SSTR1: variants seen among roughly 807,000 people sequenced by gnomAD.
SSTR1 encodes the protein somatostatin receptor 1.
In SSTR1, 10 loss-of-function variants were observed where a neutral mutation model predicts 20.7. That is an observed-to-expected ratio of 0.48 (90% CI 0.30 to 0.82). SSTR1 has a LOEUF of 0.82. Among genes scored for constraint, SSTR1 ranks in the 40% least tolerant of loss-of-function variants. The probability of loss-of-function intolerance (pLI) is 0.07; values close to 1 mark genes in which losing one functional copy is unlikely to be tolerated. For missense variants in SSTR1, 494 were observed against 540.0 expected (o/e 0.91, Z 0.84); for synonymous variants, 267 against 227.8 (o/e 1.17, Z -1.55).
Position 38,208,112 on chromosome 14 carries a change from G to C in SSTR1, c.-512+8G>C, listed in dbSNP as rs919271718. 1 of 152,250 alleles carries C rather than the reference G, an allele frequency of 6.6e-6. No homozygotes were observed. Among genetic ancestry groups the C allele is most frequent in the African/African-American group, 2.4e-5 (1 of 41,444 alleles). The allele number at this position is 152,250 out of a possible 1,614,324, so 9.4% of individuals were successfully genotyped here. A position where few individuals can be genotyped will look rare whatever the true frequency, so the allele number is the denominator to read the frequency against. ...ACCCGCCAACTCTCCAGGGTACAAAGTACAGCAGGGACGCGGGTGGAGCCC... is the reference window on the plus strand; with the variant it reads ...ACCCGCCAACTCTCCAGGGTACAAACTACAGCAGGGACGCGGGTGGAGCCC... On this transcript the variant is annotated splice_region_variant and intron_variant, in intron 1 of 2. Transcript: ENST00000267377.
chr14:38,209,242 G>A lies in SSTR1; in HGVS notation c.-148G>A. 1.9e-6 allele frequency: 2 copies of A among 1,030,220 alleles called. No individual in the cohort carries two copies. The highest frequency in any genetic ancestry group is 3.2e-5 in the East Asian group (1 of 31,220). The allele number at this position is 1,030,220 out of a possible 1,614,324, so 63.8% of individuals were successfully genotyped here. On this transcript the variant is annotated 5_prime_UTR_variant, in exon 3 of 3. Coordinates refer to ENST00000267377, the MANE Select transcript of SSTR1 (RefSeq NM_001049.3). ...CCCCGCCGGCGCCGGTAGGAGCCGC[G>A]CTCCCCGCAGCGGTTGCGCTCTACC...
rs764539510 is a variant in SSTR1, at chr14:38,210,539, T to A, written c.1150T>A (p.Cys384Ser). Reference protein sequence around the residue: ...ESGGVFRNGTCTSRITTL With the variant: ...ESGGVFRNGTSTSRITTL ...CGGCGGCGTCTTCCGTAATGGCACCTGCACGTCCCGGATCACGACGCTCTG... is the reference window on the plus strand; with the variant it reads ...CGGCGGCGTCTTCCGTAATGGCACCAGCACGTCCCGGATCACGACGCTCTG... The change falls in exon 3 of 3, where the codon TGC becomes AGC. Residue 384 changes from cysteine (C) to serine (S), a missense_variant. Cys to Ser is a moderately radical substitution (Grantham distance 112). This residue lies in a region of SSTR1 where 280 missense variants were observed against 286.1 expected (regional missense o/e 0.98). Transcript: ENST00000267377. 4 of 1,605,870 alleles carry A rather than the reference T, an allele frequency of 2.5e-6. No homozygotes were observed. The highest frequency in any genetic ancestry group is 3.4e-6 in the Non-Finnish European group (4 of 1,175,530).
In SSTR1 at chr14:38,210,695, C is replaced by A; in HGVS notation, c.*130C>A. The A allele has an allele frequency of 6.9e-7, 1 of 1,448,882 alleles. No individual in the cohort carries two copies. Among genetic ancestry groups the A allele is most frequent in the Non-Finnish European group, 9.1e-7 (1 of 1,099,568 alleles). The allele number at this position is 1,448,882 out of a possible 1,614,324, so 89.8% of individuals were successfully genotyped here. On this transcript the variant is annotated 3_prime_UTR_variant, in exon 3 of 3. Coordinates refer to ENST00000267377, the MANE Select transcript of SSTR1 (RefSeq NM_001049.3). ...GGGCGCCAGGGTGCTGTCGGGATAA[C>A]GTGGGGCTAGGACACTGACAGCCTT...
In SSTR1 at chr14:38,209,343, G is replaced by A. The variant is rs1883275759; in HGVS notation, c.-47G>A. On this transcript the variant is annotated 5_prime_UTR_variant, in exon 3 of 3. Transcript: ENST00000267377. ...GAGGGCGCAGGCGGCGGGTGCGCGAGGAGAAAGCCCCAGCCCTGGCAGCCC... is the reference window on the plus strand; with the variant it reads ...GAGGGCGCAGGCGGCGGGTGCGCGAAGAGAAAGCCCCAGCCCTGGCAGCCC... The A allele has an allele frequency of 1.4e-6, 2 of 1,430,242 alleles. No individual in the cohort carries two copies. The highest frequency in any genetic ancestry group is 3.1e-5 in the Admixed American group (1 of 32,606). The allele number at this position is 1,430,242 out of a possible 1,614,324, so 88.6% of individuals were successfully genotyped here. A position where few individuals can be genotyped will look rare whatever the true frequency, so the allele number is the denominator to read the frequency against.
Position 38,209,329 on chromosome 14 carries a change from C to CG in SSTR1, c.-59dup. 1 of 1,420,802 alleles carries CG rather than the reference C, an allele frequency of 7.0e-7. No individual in the cohort carries two copies. 88.0% of individuals were successfully genotyped at this position (1,420,802 alleles called of 1,614,324 possible). On this transcript the variant is annotated 5_prime_UTR_variant, in exon 3 of 3. Coordinates refer to ENST00000267377, the MANE Select transcript of SSTR1 (RefSeq NM_001049.3). The stretch of plus-strand genomic sequence containing the variant: ...GTCGGGTGGGGAGGGAGGGCGCAGG[C>CG]GGCGGGTGCGCGAGGAGAAAGCCCC...
At position 38,209,497 on chromosome 14, in the gene SSTR1, C is replaced by A; in HGVS notation, c.108C>A (p.Asp36Glu). Residue 36 changes from aspartate to glutamate, a missense_variant, in exon 3 of 3, where the codon GAC (aspartate) becomes GAA (glutamate). This residue lies in a region of SSTR1 where 98 missense variants were observed against 79.3 expected (regional missense o/e 1.24). Coordinates refer to ENST00000267377, the MANE Select transcript of SSTR1 (RefSeq NM_001049.3). ...GGGGCCCCGGGGCCGGCGCTGCGGA[C>A]GGCATGGAGGAGCCAGGGCGAAATG... is the stretch of plus-strand genomic sequence containing the variant. ...GSRGPGAGAADGMEEPGRNAS... is the reference protein window; with the variant it reads ...GSRGPGAGAAEGMEEPGRNAS... 3.2e-6 allele frequency: 5 copies of A among 1,579,002 alleles called. No individual in the cohort carries two copies. Among genetic ancestry groups the A allele is most frequent in the Non-Finnish European group, 4.3e-6 (5 of 1,161,658 alleles).
rs1883279209 is a variant in SSTR1 at position 38,209,429 on chromosome 14, C to T, written c.40C>T (p.Pro14Ser). 2 of 1,543,384 alleles carry T rather than the reference C, an allele frequency of 1.3e-6. No individual in the cohort carries two copies. The highest frequency in any genetic ancestry group is 1.7e-6 in the Non-Finnish European group (2 of 1,146,734). Residue 14 changes from proline to serine, a missense_variant, in exon 3 of 3, where the codon CCT (proline) becomes TCT (serine). Pro to Ser is a moderately conservative substitution (Grantham distance 74, BLOSUM62 -1). This residue lies in a region of SSTR1 where 98 missense variants were observed against 79.3 expected (regional missense o/e 1.24). Coordinates refer to ENST00000267377, the MANE Select transcript of SSTR1 (RefSeq NM_001049.3). Reference protein sequence around the residue: ...NGTASSPSSSPSPSPGSCGEG... With the variant: ...NGTASSPSSSSSPSPGSCGEG... ...CACCGCCTCCTCTCCTTCCTCCTCT[C>T]CTAGCCCCAGCCCGGGCAGCTGCGG... is the stretch of plus-strand genomic sequence containing the variant.
At position 38,207,958 on chromosome 14, in the gene SSTR1, C is replaced by G. The variant is rs375859631; in HGVS notation, c.-658C>G. 5 of 152,226 alleles carry G rather than the reference C, an allele frequency of 3.3e-5. No homozygotes were observed. The highest frequency in any genetic ancestry group is 2.1e-4 in the South Asian group (1 of 4,836). 9.4% of individuals were successfully genotyped at this position (152,226 alleles called of 1,614,324 possible). On this transcript the variant is annotated 5_prime_UTR_variant, in exon 1 of 3. Transcript: ENST00000267377. ...GACATCCTAGCTCTTCCCGGAAAAA[C>G]TCGAATGTCGCCCTGCCGTTCCTGG...
rs1398772373 is a variant in SSTR1, at chr14:38,209,235, G to A, written c.-155G>A. 2 of 974,892 alleles carry A rather than the reference G, an allele frequency of 2.1e-6. No individual in the cohort carries two copies. Among genetic ancestry groups the A allele is most frequent in the Middle Eastern group, 3.4e-4 (1 of 2,914 alleles). 60.4% of individuals were successfully genotyped at this position (974,892 alleles called of 1,614,324 possible). ...CTGTGCGCCCCGCCGGCGCCGGTAG[G>A]AGCCGCGCTCCCCGCAGCGGTTGCG... On this transcript the variant is annotated 5_prime_UTR_variant, in exon 3 of 3. Transcript: ENST00000267377.
chr14:38,210,385 C>G lies in SSTR1; in HGVS notation c.996C>G (p.Arg332=). The G allele has an allele frequency of 6.2e-7, 1 of 1,614,194 alleles. No homozygotes were observed. Among genetic ancestry groups the G allele is most frequent in the South Asian group, 1.1e-5 (1 of 91,086 alleles). ...GCTTTCTCTCAGACAACTTCAAGCG[C>G]TCTTTCCAACGCATCCTATGCCTCA... ...LYGFLSDNFK[R]SFQRILCLSW... is the part of the protein sequence containing the mutation. Residue 332 remains arginine (R), a synonymous_variant, in exon 3 of 3, where the codon CGC becomes CGG. Transcript: ENST00000267377.
rs775247397 is a variant in SSTR1, at chr14:38,210,252, A to T, written c.863A>T (p.Tyr288Phe). 3 of 1,614,150 alleles carry T rather than the reference A, an allele frequency of 1.9e-6. No homozygotes were observed. The highest frequency in any genetic ancestry group is 2.5e-6 in the Non-Finnish European group (3 of 1,180,010). ...TTTGTCATCTGCTGGATGCCTTTCT[A>T]CGTGGTGCAGCTGGTCAACGTGTTT... ...MVFVICWMPF[Y>F]VVQLVNVFAE... Residue 288 changes from tyrosine to phenylalanine, a missense_variant, in exon 3 of 3, where the codon TAC becomes TTC. Tyr to Phe is a conservative substitution (Grantham distance 22). Coordinates refer to ENST00000267377, the MANE Select transcript of SSTR1 (RefSeq NM_001049.3).
Position 38,209,563 on chromosome 14 carries a change from C to T in SSTR1, c.174C>T (p.Ala58=). The T allele has an allele frequency of 6.2e-7, 1 of 1,610,656 alleles. No individual in the cohort carries two copies. The highest frequency in any genetic ancestry group is 8.5e-7 in the Non-Finnish European group (1 of 1,177,790). The change falls in exon 3 of 3, where the codon GCC becomes GCT. Residue 58 remains alanine (A), a synonymous_variant. Coordinates refer to ENST00000267377, the MANE Select transcript of SSTR1 (RefSeq NM_001049.3). ...CCTTGAGCGAGGGCCAGGGCAGCGC[C>T]ATCCTGATCTCTTTCATCTACTCCG... ...NGTLSEGQGS[A]ILISFIYSVV...
Position 38,210,816 on chromosome 14 carries a change from C to T in SSTR1, c.*251C>T, listed in dbSNP as rs1883315099. The T allele has an allele frequency of 1.1e-6, 1 of 886,574 alleles. No individual in the cohort carries two copies. The highest frequency in any genetic ancestry group is 3.6e-5 in the Admixed American group (1 of 27,494). 54.9% of individuals were successfully genotyped at this position (886,574 alleles called of 1,614,324 possible). On this transcript the variant is annotated 3_prime_UTR_variant, in exon 3 of 3. Transcript: ENST00000267377. ...TTTCAGGCTACCTTTTTCTGGGTCT[C>T]CCACTTTCTGTTCCTTCCTCCACTG...
In SSTR1 at chr14:38,212,261, T is replaced by A. The variant is rs1883344095; in HGVS notation, c.*1696T>A. Reference sequence around the variant, plus strand: ...CATATGTATACTTATCTTGCTCCATTGTCATGAGTCCATGAGTCTAAGTAT... The same window carrying A: ...CATATGTATACTTATCTTGCTCCATAGTCATGAGTCCATGAGTCTAAGTAT... On this transcript the variant is annotated 3_prime_UTR_variant, in exon 3 of 3. Coordinates refer to ENST00000267377, the MANE Select transcript of SSTR1 (RefSeq NM_001049.3). 6.0e-6 allele frequency: 1 copy of A among 167,054 alleles called. No individual in the cohort carries two copies. Among genetic ancestry groups the A allele is most frequent in the Non-Finnish European group, 1.5e-5 (1 of 68,130 alleles). The allele number at this position is 167,054 out of a possible 1,614,324, so 10.3% of individuals were successfully genotyped here.
rs941014036 is a variant in SSTR1 at position 38,209,029 on chromosome 14, AC to A, written c.-344-12del. 3 of 218,266 alleles carry A rather than the reference AC, an allele frequency of 1.4e-5. No individual in the cohort carries two copies. Among genetic ancestry groups the A allele is most frequent in the African/African-American group, 6.8e-5 (3 of 43,806 alleles). 13.5% of individuals were successfully genotyped at this position (218,266 alleles called of 1,614,324 possible). The stretch of plus-strand genomic sequence containing the variant: ...GTGCTCTCCTCCCTTTCTCCACCCC[AC>A]CCCCTTTTTTCGTAGCTGCTGACGC... On this transcript the variant is annotated splice_polypyrimidine_tract_variant and intron_variant, in intron 2 of 2. Transcript: ENST00000267377.
intron 2 of SSTR1, 123 bp from the exon 3 acceptor site, chr14:38,208,923 C>T (rs1883265041): frequency 6.4e-6 from 1 of 155,978 alleles, no homozygotes; most frequent in African/African-American, 2.4e-5. Context: ...GCGAGGGAAC[C>T]CCGGAAGGAG....
chr14:38,208,773 T>C (rs1229395071), intron 2 of SSTR1, among the ~76,000 whole-genome samples, 164 bp downstream of exon 2: 1 of 152,150 alleles, frequency 6.6e-6, no homozygotes, highest in African/African-American at 2.4e-5. Context: ...GACATCCATG[T>C]TCATGGATCC....
chr14:38,209,525 T>TC lies in SSTR1; in HGVS notation c.139dup (p.Gln47ProfsTer58). 6.3e-7 allele frequency: 1 copy of TC among 1,595,744 alleles called. No individual in the cohort carries two copies. The highest frequency in any genetic ancestry group is 8.6e-7 in the Non-Finnish European group (1 of 1,169,250). ...CATGGAGGAGCCAGGGCGAAATGCG[T>TC]CCCAGAACGGGACCTTGAGCGAGGG... On this transcript the variant is annotated frameshift_variant, in exon 3 of 3. Coordinates refer to ENST00000267377, the MANE Select transcript of SSTR1 (RefSeq NM_001049.3). LOFTEE classifies it high-confidence loss of function.
chr14:38,209,173 C>T lies in SSTR1; in HGVS notation c.-217C>T. 1 of 475,418 alleles carries T rather than the reference C, an allele frequency of 2.1e-6. No individual in the cohort carries two copies. The highest frequency in any genetic ancestry group is 3.5e-6 in the Non-Finnish European group (1 of 289,144). The allele number at this position is 475,418 out of a possible 1,614,324, so 29.4% of individuals were successfully genotyped here. The stretch of plus-strand genomic sequence containing the variant: ...CACGGTCGCCTGTGCCCGGGCACCC[C>T]GGAGCTGCAAACTGCAGAGCCCAGG... On this transcript the variant is annotated 5_prime_UTR_variant, in exon 3 of 3. Coordinates refer to ENST00000267377, the MANE Select transcript of SSTR1 (RefSeq NM_001049.3).
Sources: allele counts gnomAD v4.1 joint callset (sites outside exome capture counted in the v4.1 genomes callset), GRCh38; gene constraint gnomAD v4.1.1; regional missense constraint gnomAD v4.1.1; transcripts MANE v1.5; gene names NCBI Gene and HGNC (gene_info 2026-07-23, HGNC 2026-07-21).